The following RBM4B variants were observed in gnomAD, a reference collection of about 807,000 sequenced individuals.
RBM4B encodes the protein RNA binding motif protein 4B.
In RBM4B, 13 loss-of-function variants were observed where a neutral mutation model predicts 28.5. The observed-to-expected ratio is 0.46, with a 90% CI of 0.30 to 0.72. The LOEUF (loss-of-function observed/expected upper bound fraction) is 0.72, where lower values mean the gene tolerates loss of function less well. RBM4B is among the 30% of genes least tolerant of loss of function. The pLI, the probability that RBM4B is intolerant of heterozygous loss-of-function variation, is 0.09. For missense variants in RBM4B, 387 were observed against 477.6 expected (o/e 0.81, Z 1.77); for synonymous variants, 167 against 179.1 (o/e 0.93, Z 0.54).
Position 66,676,785 on chromosome 11 carries a change from C to G in RBM4B, c.295G>C (p.Glu99Gln), listed in dbSNP as rs1231280550. ...CTNQELRAKF[E>Q]EYGPVIECDI... is the part of the protein sequence containing the mutation. ...CATTCGATGACCGGACCATACTCCT[C>G]AAACTTGGCTCGAAGCTCTTGGTTG... Residue 99 changes from glutamate (E) to glutamine (Q), a missense_variant, in exon 2 of 4, where the codon GAG (glutamate) becomes CAG (glutamine). Transcript: ENST00000310046. 3 of 1,614,076 alleles carry G rather than the reference C, an allele frequency of 1.9e-6. No homozygotes were observed. In the African/African-American group the frequency reaches 4.0e-5, roughly 22 times the overall value.
At chr11:66,672,540 G>T (rs1939502194) in intron 2 of RBM4B, among the ~76,000 whole-genome samples, 1 of 149,368 alleles carries the variant, frequency 6.7e-6, no homozygotes, top group Non-Finnish European at 1.5e-5. Flanking sequence ...CTGTCGCCCA[G>T]GCTGGAGTGC....
chr11:66,668,634 G>A lies in RBM4B; in HGVS notation c.1070C>T (p.Ser357Leu), dbSNP rs1939338338. The A allele has an allele frequency of 6.3e-7, 1 of 1,599,238 alleles. No individual in the cohort carries two copies. Among genetic ancestry groups the A allele is most frequent in the Admixed American group, 1.7e-5 (1 of 59,652 alleles). ...TCTCACCTCCAGTTTTTAAAAGGCT[G>A]AGTACCGGGCTCGGTCCACATACTG... ...REQYVDRARY[S>L]AF The change falls in exon 3 of 4, where the codon TCA (serine) becomes TTA (leucine). Residue 357 changes from serine to leucine, a missense_variant. By Grantham distance (145) the Ser-to-Leu change is moderately radical. Coordinates refer to ENST00000310046, the MANE Select transcript of RBM4B (RefSeq NM_031492.4).
At chr11:66,671,112 T>A in intron 2 of RBM4B, 1 of 680,906 alleles carries the variant, frequency 1.5e-6, no homozygotes. Context: ...AAGAGTCCTA[T>A]CACTCCAGTT....
At chr11:66,671,040 TGA>T (rs951973835) in intron 2 of RBM4B, 1 of 702,278 alleles carries the variant, frequency 1.4e-6, no homozygotes, top group Non-Finnish European at 2.6e-6. Context: ...GCACTGACCC[TGA>T]GAGGGGAGCG....
In RBM4B at chr11:66,668,820, G is replaced by T. The variant is rs746298598; in HGVS notation, c.884C>A (p.Thr295Asn). ...SAAMAAAAAT[T>N]SSYYGRDRSP... Reference sequence around the variant, plus strand: ...CCTGTCCCTTCCATAGTAGGAGGAAGTGGTGGCTGCAGCAGCAGCCATAGC... The same window carrying T: ...CCTGTCCCTTCCATAGTAGGAGGAATTGGTGGCTGCAGCAGCAGCCATAGC... The change falls in exon 3 of 4, where the codon ACT becomes AAT. Residue 295 changes from threonine to asparagine, a missense_variant. Physicochemically the swap from Thr to Asn is moderately conservative, Grantham distance 65. Transcript: ENST00000310046. 111 of 1,614,002 alleles carry T rather than the reference G, an allele frequency of 6.9e-5. No individual in the cohort carries two copies. The highest frequency in any genetic ancestry group is 9.2e-5 in the Non-Finnish European group (109 of 1,179,970).
intron 2 of RBM4B, chr11:66,671,061 T>G: frequency 1.4e-6 from 1 of 701,144 alleles, no homozygotes; most frequent in Non-Finnish European, 2.6e-6. Context: ...CGGGTTAGTG[T>G]GGCAATATCA....
intron 2 of RBM4B, among the ~76,000 whole-genome samples, chr11:66,669,924 T>C (rs2135239068): frequency 6.6e-6 from 1 of 152,376 alleles, no homozygotes; most frequent in East Asian, 1.9e-4. Flanking sequence ...AAGATTGTTA[T>C]TACTTGTAAT....
intron 2 of RBM4B, among the ~76,000 whole-genome samples, chr11:66,669,890 T>C (rs1336553943): frequency 2.0e-5 from 3 of 152,360 alleles, no homozygotes; most frequent in South Asian, 2.1e-4. Flanking sequence ...TACACAACAA[T>C]TGGAAAAGTT....
intron 2 of RBM4B, among the ~76,000 whole-genome samples, chr11:66,672,520 G>A (rs1939501563): frequency 7.0e-6 from 1 of 143,228 alleles, no homozygotes; most frequent in South Asian, 2.3e-4. Flanking sequence ...GGGGGGGACA[G>A]ATTCTTGCTC....
intron 3 of RBM4B, chr11:66,668,312 G>C (rs1939322145): frequency 3.4e-6 from 1 of 294,478 alleles, no homozygotes; most frequent in Non-Finnish European, 6.4e-6. Context: ...ACAAATGTTA[G>C]ATCTCTCAAA....
chr11:66,677,124 G>C (rs1167950971), intron 1 of RBM4B, 33 bp from the exon 2 acceptor site: 2 of 1,592,186 alleles, frequency 1.3e-6, no homozygotes, highest in Admixed American at 1.7e-5. Flanking sequence ...CAAAAGTCAG[G>C]GGTGTGGTGG....
intron 2 of RBM4B, among the ~76,000 whole-genome samples, chr11:66,672,299 A>G (rs1590885620): frequency 1.3e-5 from 2 of 149,316 alleles, no homozygotes; most frequent in African/African-American, 4.9e-5. Context: ...AGTCCCAGCT[A>G]CTTGGGAAGC....
chr11:66,676,513 G>A (rs1225203285), intron 2 of RBM4B, 155 bp downstream of exon 2: 4 of 896,372 alleles, frequency 4.5e-6, no homozygotes, highest in Non-Finnish European at 5.0e-6. Flanking sequence ...TGCTTCCCCA[G>A]GGGTAAATTA....
chr11:66,677,155 C>T lies in RBM4B; in HGVS notation c.-12-64G>A, dbSNP rs539426151. ...GGTGGGAAATTTCGGTGCACTGCAG[C>T]ATTTTCGTCTAATCCTCCAAAGTTC... On this transcript the variant is annotated intron_variant, in intron 1 of 3. Coordinates refer to ENST00000310046, the MANE Select transcript of RBM4B (RefSeq NM_031492.4). 764 of 1,555,966 alleles carry T rather than the reference C, an allele frequency of 4.9e-4. 2 individuals are homozygous for T. In the Middle Eastern group the frequency reaches 0.01, roughly 20 times the overall value.
intron 2 of RBM4B, among the ~76,000 whole-genome samples, chr11:66,672,043 G>C (rs763634907): frequency 2.0e-5 from 3 of 151,092 alleles, no homozygotes; most frequent in African/African-American, 7.3e-5. Flanking sequence ...CACTGCACCC[G>C]GCCCAATTTT....
rs773147865 is a variant in RBM4B at position 66,669,221 on chromosome 11, G to GCCA, written c.480_482dup (p.Gly161dup). 6.2e-7 allele frequency: 1 copy of GCCA among 1,614,152 alleles called. No homozygotes were observed. Among genetic ancestry groups the GCCA allele is most frequent in the East Asian group, 2.2e-5 (1 of 44,870 alleles). ...GCCCTTCTTTCCCACACCGATAGCA[G>GCCA]CCACTCTGGTCTCCCATACCAGGGG... On this transcript the variant is annotated inframe_insertion, in exon 3 of 4. Coordinates refer to ENST00000310046, the MANE Select transcript of RBM4B (RefSeq NM_031492.4).
intron 2 of RBM4B, among the ~76,000 whole-genome samples, chr11:66,669,907 TCTCA>T (rs759474371): frequency 1.1e-4 from 17 of 152,358 alleles, no homozygotes; most frequent in Non-Finnish European, 1.5e-4. Context: ...AGTTTCCACT[TCTCA>T]CTAAGATTGT....
At position 66,669,144 on chromosome 11, in the gene RBM4B, G is replaced by A. The variant is rs1231461342; in HGVS notation, c.560C>T (p.Thr187Ile). Residue 187 changes from threonine to isoleucine, a missense_variant, in exon 3 of 4, where the codon ACT becomes ATT. Coordinates refer to ENST00000310046, the MANE Select transcript of RBM4B (RefSeq NM_031492.4). ...VDRTGRVADF[T>I]EQYNEQYGAV... Reference sequence around the variant, plus strand: ...TCCATATTGTTCATTATACTGCTCAGTAAAGTCTGCCACACGACCCGTACG... The same window carrying A: ...TCCATATTGTTCATTATACTGCTCAATAAAGTCTGCCACACGACCCGTACG... The A allele has an allele frequency of 6.2e-7, 1 of 1,614,154 alleles. No homozygotes were observed. Among genetic ancestry groups the A allele is most frequent in the Admixed American group, 1.7e-5 (1 of 60,014 alleles).
intron 2 of RBM4B, among the ~76,000 whole-genome samples, chr11:66,675,332 G>A (rs1590888249): frequency 6.6e-6 from 1 of 150,716 alleles, no homozygotes; most frequent in Non-Finnish European, 1.5e-5. Flanking sequence ...CAATCTTAGT[G>A]AGGAAAATGA....
Sources: allele counts gnomAD v4.1 joint callset (sites outside exome capture counted in the v4.1 genomes callset), GRCh38; gene constraint gnomAD v4.1.1; transcripts MANE v1.5; gene names NCBI Gene and HGNC (gene_info 2026-07-23, HGNC 2026-07-21).